The following ADGRD1 variants were observed in gnomAD, a reference collection of about 807,000 sequenced individuals.
ADGRD1 encodes the protein adhesion G protein-coupled receptor D1, also known as G-protein coupled receptor 133.
ADGRD1 carries 77 observed loss-of-function variants against 113.4 expected under a neutral mutation model. The observed-to-expected ratio is 0.68, with a 90% confidence interval of 0.57 to 0.82. ADGRD1 has a LOEUF of 0.82. ADGRD1 is among the 40% of genes least tolerant of loss of function. The pLI is 0.00. For synonymous variants in ADGRD1, 474 were observed against 475.0 expected (o/e 1.00, Z 0.03); for missense variants, 1,036 against 1,139.1 (o/e 0.91, Z 1.30).
At chr12:131,049,242 CA>C (rs1194600584) in intron 13 of ADGRD1, among the ~76,000 whole-genome samples, 1 of 152,182 alleles carries the variant, frequency 6.6e-6, no homozygotes, top group Non-Finnish European at 1.5e-5. Context: ...AGGGCTGGCA[CA>C]AGGGCTGCAT....
At position 130,966,854 on chromosome 12, in the gene ADGRD1, C is replaced by A. The variant is rs570020141; in HGVS notation, c.187+308C>A. Reference sequence around the variant, plus strand: ...CAGGCTGGTCTCAAGCTCCTGGCCTCAGCAATCCTCTGGCCTTGGCCTCCC... The same window carrying A: ...CAGGCTGGTCTCAAGCTCCTGGCCTAAGCAATCCTCTGGCCTTGGCCTCCC... On this transcript the variant is annotated intron_variant, in intron 3 of 24. Transcript: ENST00000261654. This position sits in a 1 kb window ranked among gnomAD's most constrained non-coding sequence, Gnocchi z 4.6. 4 of 420,878 alleles carry A rather than the reference C, an allele frequency of 9.5e-6. No individual in the cohort carries two copies. In the Admixed American group the frequency reaches 1.1e-4, roughly 11 times the overall value. The allele number at this position is 420,878 out of a possible 1,614,324, so 26.1% of individuals were successfully genotyped here. A position where few individuals can be genotyped will look rare whatever the true frequency, so the allele number is the denominator to read the frequency against.
chr12:131,005,781 C>T (rs1029558433), intron 11 of ADGRD1, among the ~76,000 whole-genome samples, 191 bp from the exon 12 acceptor site: 2 of 151,654 alleles, frequency 1.3e-5, no homozygotes. Context: ...CAGGGATCCA[C>T]CGTCACGCTG....
chr12:131,030,214 G>A (rs544163301), intron 13 of ADGRD1, among the ~76,000 whole-genome samples: 4 of 107,410 alleles, frequency 3.7e-5, no homozygotes, highest in East Asian at 5.6e-4. Context: ...TGGACCCGTC[G>A]TAGGTGACAT....
At chr12:131,004,075 G>T (rs1304620295) in intron 10 of ADGRD1, 111 bp from the exon 11 acceptor site, 12 of 591,052 alleles carry the variant, frequency 2.0e-5, no homozygotes, top group Non-Finnish European at 3.0e-5. Flanking sequence ...TATACTTCCC[G>T]TGGGGAGCTT....
intron 15 of ADGRD1, among the ~76,000 whole-genome samples, chr12:131,088,358 C>T (rs565455756): frequency 2.0e-5 from 3 of 152,220 alleles, no homozygotes; most frequent in East Asian, 1.9e-4. Context: ...AGTCAGTGCA[C>T]GCCACGTCCT....
intron 2 of ADGRD1, among the ~76,000 whole-genome samples, chr12:130,963,880 G>A (rs1870706444): frequency 6.6e-6 from 1 of 152,174 alleles, no homozygotes; most frequent in Non-Finnish European, 1.5e-5. Context: ...TTACCCTTCA[G>A]AAGGGGTGTA....
chr12:131,012,070 C>G (rs771086339), intron 12 of ADGRD1, among the ~76,000 whole-genome samples: 1 of 152,122 alleles, frequency 6.6e-6, no homozygotes, highest in Non-Finnish European at 1.5e-5. Flanking sequence ...TGTTGTTCTT[C>G]CGGGGAAACA....
At chr12:131,091,942 G>A (rs1326462133) in intron 15 of ADGRD1, 1 of 152,294 alleles carries the variant, frequency 6.6e-6, no homozygotes, top group African/African-American at 2.4e-5. Context: ...CCATGCCTGT[G>A]TTTGCTGTAT....
intron 5 of ADGRD1, among the ~76,000 whole-genome samples, chr12:130,985,684 T>A (rs190249926): frequency 6.6e-6 from 1 of 152,216 alleles, no homozygotes; most frequent in African/African-American, 2.4e-5. Flanking sequence ...CCTGAGTAGC[T>A]GGGATTACAG....
intron 14 of ADGRD1, among the ~76,000 whole-genome samples, chr12:131,081,705 A>G (rs1886082065): frequency 6.6e-6 from 1 of 152,218 alleles, no homozygotes; most frequent in Admixed American, 6.5e-5. Flanking sequence ...TAAAATTAAG[A>G]CAATAATAAT....
intron 13 of ADGRD1, among the ~76,000 whole-genome samples, chr12:131,045,516 C>A (rs1309794003): frequency 8.2e-6 from 1 of 121,488 alleles, no homozygotes; most frequent in Non-Finnish European, 1.8e-5. Context: ...CCCCCCCCCA[C>A]CCCCGCCTCC....
At chr12:131,070,722 C>T in intron 13 of ADGRD1, 2 of 468,482 alleles carry the variant, frequency 4.3e-6, no homozygotes, top group Non-Finnish European at 8.7e-6. Context: ...TGCAAGGCTC[C>T]ACCCACAGCA....
At position 131,057,412 on chromosome 12, in the gene ADGRD1, G is replaced by A. The variant is rs1883968308; in HGVS notation, c.1474-19389G>A. Among the ~76,000 whole-genome samples the A allele has an allele frequency of 6.6e-6, 1 of 152,196 alleles. No individual in the cohort carries two copies. Among genetic ancestry groups the A allele is most frequent in the Admixed American group, 6.5e-5 (1 of 15,284 alleles). The stretch of plus-strand genomic sequence containing the variant: ...TGTGGCCGTTTCCTAGGGCCACCGT[G>A]ACAAATGGCTAGTGGCTTTAAACAG... On this transcript the variant is annotated intron_variant, in intron 13 of 24. Transcript: ENST00000261654. The surrounding 1 kb of genome is among the most constrained non-coding windows in gnomAD (Gnocchi z 4.2).
At chr12:130,958,701 G>A (rs762293751) in intron 2 of ADGRD1, among the ~76,000 whole-genome samples, 12 of 152,170 alleles carry the variant, frequency 7.9e-5, no homozygotes, top group Non-Finnish European at 1.3e-4. Flanking sequence ...CCTCAGGAGC[G>A]CTCATGACGG....
rs1951233717 is a variant in ADGRD1, at chr12:131,141,072, C to T, written c.*1809C>T. Reference sequence around the variant, plus strand: ...AGATCCTCATCACGCCGGTGAGCACCTAGAAGTGAGAACACTGTATTCCTA... The same window carrying T: ...AGATCCTCATCACGCCGGTGAGCACTTAGAAGTGAGAACACTGTATTCCTA... On this transcript the variant is annotated 3_prime_UTR_variant, in exon 25 of 25. Transcript: ENST00000261654. 6.6e-6 allele frequency: 1 copy of T among 152,240 alleles called. No homozygotes were observed. The highest frequency in any genetic ancestry group is 6.5e-5 in the Admixed American group (1 of 15,286). 9.4% of individuals were successfully genotyped at this position (152,240 alleles called of 1,614,324 possible). A position where few individuals can be genotyped will look rare whatever the true frequency, so the allele number is the denominator to read the frequency against.
chr12:130,987,162 G>C lies in ADGRD1; in HGVS notation c.558G>C (p.Gly186=). ...AGGGCCTGAAAGTCTACGTCAACGGGACCCTGAGCACCTCTGATCCGAGTG... is the reference window on the plus strand; with the variant it reads ...AGGGCCTGAAAGTCTACGTCAACGGCACCCTGAGCACCTCTGATCCGAGTG... ...SKEGLKVYVN[G]TLSTSDPSGK... The change falls in exon 6 of 25, where the codon GGG becomes GGC. Residue 186 remains glycine, a synonymous_variant. Coordinates refer to ENST00000261654, the MANE Select transcript of ADGRD1 (RefSeq NM_198827.5). 5 of 1,614,124 alleles carry C rather than the reference G, an allele frequency of 3.1e-6. No individual in the cohort carries two copies. The highest frequency in any genetic ancestry group is 1.1e-5 in the South Asian group (1 of 91,080).
chr12:131,131,089 C>T (rs1015576808), intron 20 of ADGRD1, among the ~76,000 whole-genome samples: 7 of 152,232 alleles, frequency 4.6e-5, no homozygotes, highest in African/African-American at 1.7e-4. Flanking sequence ...GCCTCGCCAG[C>T]CTCCTACTGA....
At chr12:130,972,482 T>C (rs1004445061) in intron 4 of ADGRD1, among the ~76,000 whole-genome samples, 4 of 152,104 alleles carry the variant, frequency 2.6e-5, no homozygotes, top group African/African-American at 7.2e-5. Context: ...GGAGGACACA[T>C]CTTGGGCTTT....
At position 131,050,270 on chromosome 12, in the gene ADGRD1, A is replaced by G. The variant is rs975549355; in HGVS notation, c.1474-26531A>G. Among the ~76,000 whole-genome samples, 11 of 152,072 alleles carry G rather than the reference A, an allele frequency of 7.2e-5. No individual in the cohort carries two copies. Among genetic ancestry groups the G allele is most frequent in the African/African-American group, 2.4e-4 (10 of 41,400 alleles). On this transcript the variant is annotated intron_variant, in intron 13 of 24. Transcript: ENST00000261654. This position sits in a 1 kb window ranked among gnomAD's most constrained non-coding sequence, Gnocchi z 4.8. ...ATTCTCAGTCAGGACATCCGGTGCT[A>G]TTCATAGCCAGGAAGTGCTGTTAGT... is the stretch of plus-strand genomic sequence containing the variant.
Sources: gnomAD v4.1 joint callset for allele counts (sites outside exome capture counted in the v4.1 genomes callset) on GRCh38, gnomAD v4.1.1 for gene constraint, Gnocchi (gnomAD v3.1) non-coding constraint, MANE v1.5 for transcripts, NCBI Gene and HGNC (gene_info 2026-07-23, HGNC 2026-07-21) for gene names.